The following PAH variants were observed in gnomAD, a reference collection of about 807,000 sequenced individuals.
PAH encodes phenylalanine-4-hydroxylase.
PAH carries 64 observed loss-of-function variants against 62.0 expected under a neutral mutation model. The ratio of observed to expected loss-of-function variants is 1.03; its 90% confidence interval spans 0.84 to 1.27. PAH has a LOEUF of 1.27. PAH is among the 50% of genes most tolerant of loss of function. The probability of loss-of-function intolerance (pLI) is 0.00; values close to 1 mark genes in which losing one functional copy is unlikely to be tolerated. For synonymous variants in PAH, 195 were observed against 196.2 expected (o/e 0.99, Z 0.05); for missense variants, 579 against 542.8 (o/e 1.07, Z -0.66).
exon 1 of PAH, chr12:102,958,198 G>T: frequency 2.1e-6 from 3 of 1,400,664 alleles, no homozygotes; most frequent in Non-Finnish European, 1.9e-6. Flanking sequence ...CCCGCACCTC[G>T]CGTCCCGGAT....
intron 3 of PAH, among the ~76,000 whole-genome samples, chr12:102,887,171 G>A (rs753535839): frequency 3.3e-5 from 5 of 151,890 alleles, no homozygotes; most frequent in Non-Finnish European, 5.9e-5. Flanking sequence ...AAAGGAAGAT[G>A]AGAAGAAAAA....
chr12:102,861,862 G>A (rs1875735959), intron 5 of PAH, among the ~76,000 whole-genome samples: 1 of 151,608 alleles, frequency 6.6e-6, no homozygotes, highest in South Asian at 2.1e-4. Context: ...ATAGCATTAG[G>A]AGATATACCT....
At chr12:102,894,429 T>TAAAAAAA (rs3062651) in intron 3 of PAH, among the ~76,000 whole-genome samples, 1 of 138,968 alleles carries the variant, frequency 7.2e-6, no homozygotes, top group Non-Finnish European at 1.5e-5. Context: ...GCTTATAAAG[T>TAAAAAAA]AAAAAAAAAA....
chr12:102,910,531 G>A (rs1248346873), intron 2 of PAH, among the ~76,000 whole-genome samples: 2 of 151,834 alleles, frequency 1.3e-5, no homozygotes, highest in Non-Finnish European at 2.9e-5. Context: ...CCACCACGCC[G>A]GGCTAATTTT....
chr12:102,954,971 G>A (rs532682336), upstream of PAH, among the ~76,000 whole-genome samples: 18 of 152,326 alleles, frequency 1.2e-4, no homozygotes, highest in South Asian at 3.7e-3. Flanking sequence ...TGCAAAGCAT[G>A]TAAGGAAGAA....
At chr12:102,918,570 G>GTTTTTTTT (rs71097955), upstream of PAH, among the ~76,000 whole-genome samples, 1 of 57,536 alleles carries the variant, frequency 1.7e-5, no homozygotes, top group Non-Finnish European at 3.2e-5. Context: ...GTTTTTTTTT[G>GTTTTTTTT]TTTTTTTTTT....
intron 3 of PAH, among the ~76,000 whole-genome samples, chr12:102,881,783 CA>C (rs1324749906): frequency 6.6e-6 from 1 of 152,148 alleles, no homozygotes; most frequent in African/African-American, 2.4e-5. Context: ...TCCCAAATGA[CA>C]ATATTTCTTT....
chr12:102,919,521 T>G (rs1461231255), upstream of PAH, among the ~76,000 whole-genome samples: 1 of 152,218 alleles, frequency 6.6e-6, no homozygotes, highest in Non-Finnish European at 1.5e-5. Flanking sequence ...TGTTGTACTA[T>G]CAAATACTAG....
upstream of PAH, among the ~76,000 whole-genome samples, chr12:102,954,598 C>T (rs1040913537): frequency 6.6e-6 from 1 of 152,068 alleles, no homozygotes. Flanking sequence ...GCCTAGATAC[C>T]AAGTCAAATC....
intron 3 of PAH, among the ~76,000 whole-genome samples, chr12:102,893,246 A>G (rs1371090052): frequency 5.9e-5 from 9 of 152,072 alleles, no homozygotes; most frequent in Non-Finnish European, 1.3e-4. Context: ...TGGAAAATAC[A>G]AAAATTAGCC....
Position 102,837,143 on chromosome 12 carries a change from A to G in PAH, c.*2032T>C, listed in dbSNP as rs2136628903. On this transcript the variant is annotated 3_prime_UTR_variant, in exon 13 of 13. Transcript: ENST00000553106. ...ACAAATAAAAACACTTACATATTGG[A>G]AATTTATTAAATCCCATAGCTATAG... 1 of 152,348 alleles carries G rather than the reference A, an allele frequency of 6.6e-6. No homozygotes were observed. The highest frequency in any genetic ancestry group is 1.5e-5 in the Non-Finnish European group (1 of 68,026). 9.4% of individuals were successfully genotyped at this position (152,348 alleles called of 1,614,324 possible). A position where few individuals can be genotyped will look rare whatever the true frequency, so the allele number is the denominator to read the frequency against.
chr12:102,903,738 C>T (rs910338301), intron 2 of PAH, among the ~76,000 whole-genome samples: 11 of 152,278 alleles, frequency 7.2e-5, no homozygotes, highest in Middle Eastern at 3.4e-3. Flanking sequence ...TAGTCTGAGC[C>T]TCTGTGTCTT....
At chr12:102,915,989 C>A (rs1878365205) in intron 1 of PAH, among the ~76,000 whole-genome samples, 1 of 152,112 alleles carries the variant, frequency 6.6e-6, no homozygotes. Flanking sequence ...CTGCCCCTAA[C>A]CCCTTCCCAC....
chr12:102,940,320 G>T (rs183097937), intron 1 of PAH, among the ~76,000 whole-genome samples: 39 of 152,324 alleles, frequency 2.6e-4, no homozygotes, highest in Non-Finnish European at 5.9e-5. Flanking sequence ...TGCTTCTTAA[G>T]GAGAATGAAA....
chr12:102,869,812 G>A (rs1237191988), intron 4 of PAH, among the ~76,000 whole-genome samples: 3 of 152,154 alleles, frequency 2.0e-5, no homozygotes, highest in South Asian at 2.1e-4. Context: ...ACGACCACAG[G>A]GCCTCTGTAG....
At chr12:102,889,170 T>C (rs1050334091) in intron 3 of PAH, among the ~76,000 whole-genome samples, 3 of 152,126 alleles carry the variant, frequency 2.0e-5, no homozygotes, top group Non-Finnish European at 2.9e-5. Flanking sequence ...TGCACACCCA[T>C]GTATTATCTT....
upstream of PAH, chr12:102,917,568 A>C: frequency 4.0e-6 from 1 of 247,398 alleles, no homozygotes; most frequent in Non-Finnish European, 8.0e-6. Context: ...TGGTATAACA[A>C]TTATATGAAT....
At chr12:102,857,162 C>T (rs1315418196) in intron 5 of PAH, among the ~76,000 whole-genome samples, 13 of 152,120 alleles carry the variant, frequency 8.5e-5, no homozygotes, top group Admixed American at 7.2e-4. Context: ...AACCATGGCA[C>T]GAGAACTACG....
chr12:102,915,749 G>A (rs1232749366), intron 1 of PAH, among the ~76,000 whole-genome samples: 1 of 152,114 alleles, frequency 6.6e-6, no homozygotes, highest in African/African-American at 2.4e-5. Flanking sequence ...CTTAGAATCT[G>A]CCATTTCAAA....
Sources: gnomAD v4.1 joint callset for allele counts (sites outside exome capture counted in the v4.1 genomes callset) on GRCh38, gnomAD v4.1.1 for gene constraint, MANE v1.5 for transcripts, NCBI Gene and HGNC (gene_info 2026-07-23, HGNC 2026-07-21) for gene names.